The following LRRTM4 variants were observed in gnomAD, a reference collection of about 807,000 sequenced individuals.
LRRTM4 encodes leucine-rich repeat transmembrane neuronal protein 4.
Under a neutral mutation model 47.6 loss-of-function variants are expected in LRRTM4, and 25 were observed. The observed-to-expected ratio is 0.53, with a 90% confidence interval of 0.38 to 0.73. LRRTM4 has a LOEUF of 0.73. LRRTM4 is among the 30% of genes least tolerant of loss of function. The pLI, the probability that LRRTM4 is intolerant of heterozygous loss-of-function variation, is 0.00. For synonymous variants in LRRTM4, 311 were observed against 269.5 expected (o/e 1.15, Z -1.51); for missense variants, 638 against 713.4 (o/e 0.89, Z 1.20).
intron 3 of LRRTM4, among the ~76,000 whole-genome samples, chr2:77,121,467 T>TA (rs1337327192): frequency 6.6e-6 from 1 of 151,810 alleles, no homozygotes; most frequent in Non-Finnish European, 1.5e-5. Flanking sequence ...GCTTCACATT[T>TA]AAAAACACAT....
chr2:76,985,455 A>C (rs1302682990), intron 3 of LRRTM4, among the ~76,000 whole-genome samples: 1 of 151,992 alleles, frequency 6.6e-6, no homozygotes, highest in Non-Finnish European at 1.5e-5. Flanking sequence ...AATAAGAAGC[A>C]ATAGGATGTC....
Position 77,073,932 on chromosome 2 carries a change from A to C in LRRTM4, c.1552-325016T>G, listed in dbSNP as rs553623926. On this transcript the variant is annotated intron_variant, in intron 3 of 3. Coordinates refer to ENST00000409884, the MANE Select transcript of LRRTM4 (RefSeq NM_001134745.3). Reference sequence around the variant, plus strand: ...CAGCTGAGGGCATTTTATTTAATAAATTTAATTTTACCATTTATCTTTATG... The same window carrying C: ...CAGCTGAGGGCATTTTATTTAATAACTTTAATTTTACCATTTATCTTTATG... 3.9e-5 allele frequency among the ~76,000 whole-genome samples: 6 copies of C among 152,138 alleles called. No homozygotes were observed. In the East Asian group the frequency reaches 1.2e-3, roughly 29 times the overall value.
chr2:76,933,762 A>C (rs1182128978), intron 3 of LRRTM4, among the ~76,000 whole-genome samples: 1 of 152,112 alleles, frequency 6.6e-6, no homozygotes, highest in Admixed American at 6.6e-5. Context: ...GAAATTTCTG[A>C]GCACAGAATT....
chr2:77,349,983 T>C (rs1180459648), intron 3 of LRRTM4, among the ~76,000 whole-genome samples: 1 of 152,116 alleles, frequency 6.6e-6, no homozygotes, highest in Non-Finnish European at 1.5e-5. Flanking sequence ...GAAATTTAAC[T>C]TCAGGAACTT....
chr2:77,378,897 G>A (rs1672941423), intron 3 of LRRTM4, among the ~76,000 whole-genome samples: 1 of 152,078 alleles, frequency 6.6e-6, no homozygotes. Flanking sequence ...ACACACAAGT[G>A]CTCAGAAATA....
At chr2:77,413,020 T>G (rs1369074907) in intron 3 of LRRTM4, among the ~76,000 whole-genome samples, 2 of 152,172 alleles carry the variant, frequency 1.3e-5, no homozygotes, top group African/African-American at 4.8e-5. Context: ...CTGAATACAT[T>G]TTTGAAGTAG....
intron 3 of LRRTM4, among the ~76,000 whole-genome samples, chr2:76,767,428 A>C (rs192122138): frequency 1.3e-5 from 2 of 152,278 alleles, no homozygotes; most frequent in East Asian, 3.9e-4. Context: ...TAGGATTCCC[A>C]TTTAAAAAAT....
At chr2:76,874,301 T>G (rs1056993087) in intron 3 of LRRTM4, among the ~76,000 whole-genome samples, 2 of 151,952 alleles carry the variant, frequency 1.3e-5, no homozygotes, top group African/African-American at 4.8e-5. Flanking sequence ...GCACCTTGCT[T>G]TCACTAGACA....
intron 3 of LRRTM4, among the ~76,000 whole-genome samples, chr2:77,302,082 T>G (rs1032360242): frequency 3.3e-5 from 5 of 152,184 alleles, no homozygotes; most frequent in Non-Finnish European, 7.4e-5. Context: ...TCATTTTCCA[T>G]GCATCAGAAA....
intron 3 of LRRTM4, among the ~76,000 whole-genome samples, chr2:77,028,575 CAAG>C (rs899672932): frequency 7.9e-5 from 12 of 151,738 alleles, no homozygotes; most frequent in African/African-American, 2.9e-4. Context: ...ATAATTTCAA[CAAG>C]AATAAGGTAA....
intron 3 of LRRTM4, among the ~76,000 whole-genome samples, chr2:77,421,686 G>T (rs1475721512): frequency 6.6e-6 from 1 of 151,426 alleles, no homozygotes; most frequent in African/African-American, 2.4e-5. Context: ...CAGCCTGGGC[G>T]GCAGAGGGAG....
intron 3 of LRRTM4, among the ~76,000 whole-genome samples, chr2:77,267,946 A>AT (rs953746928): frequency 2.6e-5 from 4 of 151,980 alleles, no homozygotes; most frequent in African/African-American, 4.8e-5. Context: ...GCATTATAAC[A>AT]TTTTTTTCCT....
intron 3 of LRRTM4, among the ~76,000 whole-genome samples, chr2:77,286,000 A>C (rs1251231646): frequency 3.3e-5 from 5 of 152,146 alleles, no homozygotes; most frequent in Non-Finnish European, 7.4e-5. Flanking sequence ...CTTATACATA[A>C]TTATAGACAT....
At chr2:76,907,786 A>T (rs972129028) in intron 3 of LRRTM4, among the ~76,000 whole-genome samples, 1 of 133,800 alleles carries the variant, frequency 7.5e-6, no homozygotes. Context: ...TCCCAAGACT[A>T]AACCAGGAAG....
At chr2:76,819,026 C>A (rs1670979878) in intron 3 of LRRTM4, among the ~76,000 whole-genome samples, 1 of 151,612 alleles carries the variant, frequency 6.6e-6, no homozygotes, top group African/African-American at 2.4e-5. Context: ...AAGAGCAGAA[C>A]AATTATTGAA....
intron 3 of LRRTM4, among the ~76,000 whole-genome samples, chr2:77,108,106 A>T (rs572963402): frequency 6.6e-6 from 1 of 152,264 alleles, no homozygotes; most frequent in South Asian, 2.1e-4. Context: ...CAAGTGGAAG[A>T]AAGACTTGGA....
At chr2:76,784,086 C>A (rs1309273409) in intron 3 of LRRTM4, among the ~76,000 whole-genome samples, 1 of 151,894 alleles carries the variant, frequency 6.6e-6, no homozygotes, top group Admixed American at 6.6e-5. Context: ...GTATTTTGAG[C>A]TAAAACAATC....
At chr2:77,510,363 G>A (rs746245726) in intron 3 of LRRTM4, among the ~76,000 whole-genome samples, 1 of 152,028 alleles carries the variant, frequency 6.6e-6, no homozygotes, top group Non-Finnish European at 1.5e-5. Flanking sequence ...GAATTGAAAT[G>A]CAAATATAGA....
At chr2:76,750,263 C>A (rs990422969) in intron 3 of LRRTM4, among the ~76,000 whole-genome samples, 27 of 152,194 alleles carry the variant, frequency 1.8e-4, no homozygotes, top group Admixed American at 2.6e-4. Context: ...ATCAAGCCCT[C>A]CTCAGAGACA....
Sources: gnomAD v4.1 joint callset for allele counts (sites outside exome capture counted in the v4.1 genomes callset) on GRCh38, gnomAD v4.1.1 for gene constraint, MANE v1.5 for transcripts, NCBI Gene and HGNC (gene_info 2026-07-23, HGNC 2026-07-21) for gene names.